STK31: variants seen among roughly 807,000 people sequenced by gnomAD.
STK31 encodes the protein serine/threonine-protein kinase 31.
In STK31, 89 loss-of-function variants were observed where a neutral mutation model predicts 129.7. The observed-to-expected ratio is 0.69, with a 90% CI of 0.58 to 0.82. The LOEUF (loss-of-function observed/expected upper bound fraction) is 0.82. STK31 is among the 40% of genes least tolerant of loss of function. The probability of loss-of-function intolerance (pLI) is 0.00; values close to 1 mark genes in which losing one functional copy is unlikely to be tolerated. For missense variants in STK31, 1,187 were observed against 1,176.4 expected, an observed-to-expected ratio of 1.01 and a Z score of -0.13; for synonymous variants, 448 against 395.3, an observed-to-expected ratio of 1.13 and a Z score of -1.58.
chr7:23,803,723 CT>C (rs1792518912), intron 22 of STK31, among the ~76,000 whole-genome samples: 1 of 152,294 alleles, frequency 6.6e-6, no homozygotes, highest in Admixed American at 6.5e-5. Flanking sequence ...TTTTCTGCCC[CT>C]CTCCTTCCTC....
chr7:23,773,989 T>G (rs1367516788), intron 15 of STK31, among the ~76,000 whole-genome samples: 2 of 150,514 alleles, frequency 1.3e-5, no homozygotes, highest in Non-Finnish European at 3.0e-5. Flanking sequence ...TGTTCAAGTG[T>G]TCCCATTGTT....
intron 23 of STK31, among the ~76,000 whole-genome samples, chr7:23,830,593 TGTGTG>T (rs1794486060): frequency 2.3e-4 from 2 of 8,710 alleles, no homozygotes; most frequent in South Asian, 3.8e-3. Flanking sequence ...ATTTCCATGT[TGTGTG>T]TGTGTGTGTG....
In STK31 at chr7:23,832,182, G is replaced by T; in HGVS notation, c.2876G>T (p.Ser959Ile). 1.2e-6 allele frequency: 2 copies of T among 1,614,084 alleles called. No individual in the cohort carries two copies. Among genetic ancestry groups the T allele is most frequent in the Non-Finnish European group, 8.5e-7 (1 of 1,180,016 alleles). Reference protein sequence around the residue: ...SLLCSLICYRSSMTAEQVLNA... With the variant: ...SLLCSLICYRISMTAEQVLNA... The stretch of plus-strand genomic sequence containing the variant: ...CTCTGTAGCTTGATATGTTATAGAA[G>T]TTCAATGACTGCTGAACAAGTTTTA... Residue 959 changes from serine to isoleucine, a missense_variant, in exon 24 of 24, where the codon AGT becomes ATT. Physicochemically the swap from Ser to Ile is moderately radical, Grantham distance 142. This residue lies in a region of STK31 where 975 missense variants were observed against 934.9 expected (regional missense o/e 1.04). Coordinates refer to ENST00000355870, the MANE Select transcript of STK31 (RefSeq NM_031414.5).
intron 23 of STK31, among the ~76,000 whole-genome samples, chr7:23,830,111 A>G (rs1305758532): frequency 6.6e-6 from 1 of 152,036 alleles, no homozygotes; most frequent in East Asian, 1.9e-4. Flanking sequence ...CACAACGCCT[A>G]GCTAATTTTA....
chr7:23,712,407 G>C, intron 3 of STK31, 121 bp downstream of exon 3: 1 of 947,088 alleles, frequency 1.1e-6, no homozygotes, highest in East Asian at 2.6e-5. Context: ...AATATTTATT[G>C]AATTATTTAT....
chr7:23,735,177 C>G (rs1787646632), intron 6 of STK31, among the ~76,000 whole-genome samples: 1 of 152,010 alleles, frequency 6.6e-6, no homozygotes, highest in Admixed American at 6.6e-5. Flanking sequence ...TTCTAGATAT[C>G]AGAGATTCAT....
chr7:23,752,428 C>T (rs143908688), intron 8 of STK31, among the ~76,000 whole-genome samples: 163 of 151,170 alleles, frequency 1.1e-3, no homozygotes, highest in African/African-American at 3.8e-3. Context: ...CGCCTCGCTG[C>T]AACCTCTGCC....
chr7:23,727,779 C>T (rs1020800222), intron 5 of STK31, among the ~76,000 whole-genome samples: 7 of 151,714 alleles, frequency 4.6e-5, no homozygotes, highest in Admixed American at 2.6e-4. Context: ...TCAGGCTGGT[C>T]GAACTTCTGA....
chr7:23,790,181 C>T (rs1035873400), intron 21 of STK31, among the ~76,000 whole-genome samples: 7 of 152,126 alleles, frequency 4.6e-5, no homozygotes, highest in African/African-American at 1.4e-4. Context: ...ACATGCTAGG[C>T]ATTGTATCTC....
intron 8 of STK31, among the ~76,000 whole-genome samples, chr7:23,740,487 T>C (rs1470998962): frequency 6.6e-6 from 1 of 152,234 alleles, no homozygotes; most frequent in East Asian, 1.9e-4. Flanking sequence ...AGGTGCTGTA[T>C]TTCTTTTTTT....
chr7:23,752,552 G>A (rs1027640422), intron 8 of STK31, among the ~76,000 whole-genome samples, 165 bp from the exon 9 acceptor site: 2 of 152,098 alleles, frequency 1.3e-5, no homozygotes, highest in African/African-American at 4.8e-5. Flanking sequence ...CATTGTCCAG[G>A]CTGGTCTCAA....
chr7:23,786,599 G>A lies in STK31; in HGVS notation c.2366G>A (p.Gly789Glu). The change falls in exon 19 of 24, where the codon GGG becomes GAG. Residue 789 changes from glycine to glutamate, a missense_variant. By Grantham distance (98) the Gly-to-Glu change is moderately conservative (BLOSUM62 -2). Around this residue, in one of 5 missense-constraint regions of STK31, gnomAD observed 975 missense variants for 934.9 expected, o/e 1.04. Coordinates refer to ENST00000355870, the MANE Select transcript of STK31 (RefSeq NM_031414.5). Reference sequence around the variant, plus strand: ...TGGAGAGAAGCTGAAGGAGACTCAGGGTTACTGCCATTGATATTCCTGTTT... The same window carrying A: ...TGGAGAGAAGCTGAAGGAGACTCAGAGTTACTGCCATTGATATTCCTGTTT... ...RAWREAEGDS[G>E]LLPLIFLFLC... 6.2e-7 allele frequency: 1 copy of A among 1,613,592 alleles called. No homozygotes were observed.
chr7:23,771,213 G>A, intron 14 of STK31, 89 bp downstream of exon 14: 3 of 1,238,476 alleles, frequency 2.4e-6, no homozygotes, highest in East Asian at 2.8e-5. Context: ...TTAATACTCA[G>A]TGTCAGTAAA....
chr7:23,820,210 A>C lies in STK31; in HGVS notation c.2829+4998A>C, dbSNP rs529307634. The stretch of plus-strand genomic sequence containing the variant: ...AGTACAGTCGTCCCTCTGTATACAC[A>C]GGGGATTGGTACAGATAAAATCTAC... On this transcript the variant is annotated intron_variant, in intron 23 of 23. Transcript: ENST00000355870. Among the ~76,000 whole-genome samples, 31 of 152,252 alleles carry C rather than the reference A, an allele frequency of 2.0e-4. No individual in the cohort carries two copies. The South Asian group carries it at 2.3e-3, about 11-fold the overall frequency.
At position 23,738,929 on chromosome 7, in the gene STK31, A is replaced by G. The variant is rs559314743; in HGVS notation, c.1017+1851A>G. 1.7e-3 allele frequency among the ~76,000 whole-genome samples: 258 copies of G among 152,346 alleles called. 1 individual carries two copies. Among genetic ancestry groups the G allele is most frequent in the African/African-American group, 5.9e-3 (246 of 41,590 alleles). On this transcript the variant is annotated intron_variant, in intron 8 of 23. Coordinates refer to ENST00000355870, the MANE Select transcript of STK31 (RefSeq NM_031414.5). ...CTTTGCCATTGTAAATAGTGCTGCA[A>G]TAAACATATGTGTGCATATGTCTTT...
intron 3 of STK31, among the ~76,000 whole-genome samples, chr7:23,713,083 A>T (rs899632246): frequency 2.6e-5 from 4 of 152,174 alleles, no homozygotes; most frequent in African/African-American, 9.7e-5. Flanking sequence ...ACTGGGATAC[A>T]TACAGAGAAA....
chr7:23,717,346 A>G (rs1786405682), intron 3 of STK31, 135 bp from the exon 4 acceptor site: 2 of 496,168 alleles, frequency 4.0e-6, no homozygotes, highest in Non-Finnish European at 7.0e-6. Flanking sequence ...AATTATGAAA[A>G]AATACAGGCA....
At chr7:23,717,408 C>A in intron 3 of STK31, 73 bp from the exon 4 acceptor site, 1 of 1,031,626 alleles carries the variant, frequency 9.7e-7, no homozygotes, top group South Asian at 1.8e-5. Context: ...GTTTATCATG[C>A]TTAGAACCCT....
chr7:23,751,978 G>A (rs1174930895), intron 8 of STK31, among the ~76,000 whole-genome samples: 2 of 151,952 alleles, frequency 1.3e-5, no homozygotes, highest in African/African-American at 2.4e-5. Flanking sequence ...GGGAGGGGGA[G>A]GGGAGATAGG....
Sources: allele counts gnomAD v4.1 joint callset (sites outside exome capture counted in the v4.1 genomes callset), GRCh38; gene constraint gnomAD v4.1.1; regional missense constraint gnomAD v4.1.1; transcripts MANE v1.5; gene names NCBI Gene and HGNC (gene_info 2026-07-23, HGNC 2026-07-21).